The following DPH3 variants were observed in gnomAD, a reference collection of about 807,000 sequenced individuals.
The protein encoded by DPH3 is diphthamide biosynthesis protein 3.
Under a neutral mutation model 10.2 loss-of-function variants are expected in DPH3, and 8 were observed. The observed-to-expected ratio is 0.79, with a 90% CI of 0.46 to 1.42. DPH3 has a LOEUF of 1.42. DPH3 is among the 40% of genes most tolerant of loss of function. DPH3 has a pLI of 0.00. For synonymous variants in DPH3, 35 were observed against 35.6 expected (o/e 0.98, Z 0.06); for missense variants, 96 against 98.9 (o/e 0.97, Z 0.12).
rs1186538316 is a variant in DPH3 at position 16,259,534 on chromosome 3, AGTT to A, written c.*1227_*1229del. The A allele has an allele frequency of 1.3e-5, 2 of 152,212 alleles. No individual in the cohort carries two copies. Among genetic ancestry groups the A allele is most frequent in the Non-Finnish European group, 2.9e-5 (2 of 68,036 alleles). 9.4% of individuals were successfully genotyped at this position (152,212 alleles called of 1,614,324 possible). A position where few individuals can be genotyped will look rare whatever the true frequency, so the allele number is the denominator to read the frequency against. ...AATATTTTTTATTTATACACAGTAA[AGTT>A]GTGTATATAAAGGGAATTTTCAAAT... On this transcript the variant is annotated 3_prime_UTR_variant, in exon 3 of 3. Coordinates refer to ENST00000488423, the MANE Select transcript of DPH3 (RefSeq NM_206831.3).
Position 16,260,056 on chromosome 3 carries a change from G to C in DPH3, c.*708C>G, listed in dbSNP as rs1037446302. 1 of 152,156 alleles carries C rather than the reference G, an allele frequency of 6.6e-6. No individual in the cohort carries two copies. The highest frequency in any genetic ancestry group is 2.4e-5 in the African/African-American group (1 of 41,426). 9.4% of individuals were successfully genotyped at this position (152,156 alleles called of 1,614,324 possible). On this transcript the variant is annotated 3_prime_UTR_variant, in exon 3 of 3. Transcript: ENST00000488423. ...CTTTTCATCTTGTCCTGACTTCCAA[G>C]GAATATGCAGAATATAAGAAAAGTC...
rs767196710 is a variant in DPH3, at chr3:16,264,824, T to A, written c.53A>T (p.Asp18Val). The A allele has an allele frequency of 5.2e-5, 84 of 1,614,062 alleles. No homozygotes were observed. The Admixed American group carries it at 1.4e-3, about 27-fold the overall frequency. Residue 18 changes from aspartate to valine, a missense_variant, in exon 1 of 3, where the codon GAC becomes GTC. By Grantham distance (152) the Asp-to-Val change is radical. Coordinates refer to ENST00000488423, the MANE Select transcript of DPH3 (RefSeq NM_206831.3). ...VEIEDFQYDE[D>V]SETYFYPCPC... ...GCAGGGATAGAAATACGTCTCCGAG[T>A]CCTCGTCATATTGGAAGTCCTCGAT...
rs559292134 is a variant in DPH3, at chr3:16,260,661, G to T, written c.*103C>A. 5.9e-5 allele frequency: 60 copies of T among 1,021,768 alleles called. No homozygotes were observed. The Admixed American group carries it at 7.2e-4, about 12-fold the overall frequency. The allele number at this position is 1,021,768 out of a possible 1,614,324, so 63.3% of individuals were successfully genotyped here. On this transcript the variant is annotated 3_prime_UTR_variant, in exon 3 of 3. Coordinates refer to ENST00000488423, the MANE Select transcript of DPH3 (RefSeq NM_206831.3). Reference sequence around the variant, plus strand: ...AAAGAATCCACACTCTTACAGAACAGCAAATCATAAATGGTTGTCTCTGTG... The same window carrying T: ...AAAGAATCCACACTCTTACAGAACATCAAATCATAAATGGTTGTCTCTGTG...
At chr3:16,264,479 C>G in intron 1 of DPH3, 1 of 552,976 alleles carries the variant, frequency 1.8e-6, no homozygotes, top group Non-Finnish European at 3.2e-6. Context: ...AAAACGAGTC[C>G]CCTCCTCGAC....
rs957099848 is a variant in DPH3, at chr3:16,264,940, C to T, written c.-64G>A. On this transcript the variant is annotated 5_prime_UTR_variant, in exon 1 of 3. Transcript: ENST00000488423. ...TCCGAGGCCAGCTCCGAGGGTTTAA[C>T]TTCGCCGGAACCGGCCTGGGCTCGG... 10 of 1,577,040 alleles carry T rather than the reference C, an allele frequency of 6.3e-6. No individual in the cohort carries two copies. The highest frequency in any genetic ancestry group is 2.2e-5 in the East Asian group (1 of 44,526).
chr3:16,264,668 TG>T, intron 1 of DPH3, 100 bp downstream of exon 1: 1 of 1,133,984 alleles, frequency 8.8e-7, no homozygotes, highest in Non-Finnish European at 1.3e-6. Flanking sequence ...AAAGAGGGCG[TG>T]GGTGACACAG....
chr3:16,261,415 G>A lies in DPH3; in HGVS notation c.184-586C>T, dbSNP rs2064292164. ...AAGGATCAGCCCCTACTCTGTCCCT[G>A]CTACTCTGTTGCCCAATATGTGGAA... On this transcript the variant is annotated intron_variant, in intron 2 of 2. Coordinates refer to ENST00000488423, the MANE Select transcript of DPH3 (RefSeq NM_206831.3). The surrounding 1 kb of genome is among the most constrained non-coding windows in gnomAD (Gnocchi z 7.1). Among the ~76,000 whole-genome samples, 1 of 152,194 alleles carries A rather than the reference G, an allele frequency of 6.6e-6. No homozygotes were observed. Among genetic ancestry groups the A allele is most frequent in the African/African-American group, 2.4e-5 (1 of 41,458 alleles).
Position 16,264,838 on chromosome 3 carries a change from G to A in DPH3, c.39C>T (p.Phe13=). ...ACGTCTCCGAGTCCTCGTCATATTG[G>A]AAGTCCTCGATTTCCACCTCGTCAT... ...VFHDEVEIED[F]QYDEDSETYF... Residue 13 remains phenylalanine, a synonymous_variant, in exon 1 of 3, where the codon TTC becomes TTT. Transcript: ENST00000488423. The A allele has an allele frequency of 6.2e-7, 1 of 1,614,222 alleles. No homozygotes were observed. Among genetic ancestry groups the A allele is most frequent in the South Asian group, 1.1e-5 (1 of 91,082 alleles).
rs1252195355 is a variant in DPH3 at position 16,258,968 on chromosome 3, AC to A, written c.*1795del. ...GCTTCTTTTTTCCTGGGATGTGTGA[AC>A]CTGGCAACTTTTCTTCCTGTTCTTC... On this transcript the variant is annotated 3_prime_UTR_variant, in exon 3 of 3. Coordinates refer to ENST00000488423, the MANE Select transcript of DPH3 (RefSeq NM_206831.3). 17 of 152,316 alleles carry A rather than the reference AC, an allele frequency of 1.1e-4. No individual in the cohort carries two copies. The highest frequency in any genetic ancestry group is 4.1e-4 in the African/African-American group (17 of 41,570). 9.4% of individuals were successfully genotyped at this position (152,316 alleles called of 1,614,324 possible). A position where few individuals can be genotyped will look rare whatever the true frequency, so the allele number is the denominator to read the frequency against.
Position 16,260,225 on chromosome 3 carries a change from C to G in DPH3, c.*539G>C, listed in dbSNP as rs1229720114. The G allele has an allele frequency of 6.5e-6, 1 of 152,916 alleles. No individual in the cohort carries two copies. Among genetic ancestry groups the G allele is most frequent in the Non-Finnish European group, 1.5e-5 (1 of 68,546 alleles). 9.5% of individuals were successfully genotyped at this position (152,916 alleles called of 1,614,324 possible). On this transcript the variant is annotated 3_prime_UTR_variant, in exon 3 of 3. Transcript: ENST00000488423. ...AGCATTACAGAAATGACACGCTGAA[C>G]AGAACATGTCCATTCTAATGGGAAA...
At position 16,261,335 on chromosome 3, in the gene DPH3, C is replaced by G. The variant is rs1239351757; in HGVS notation, c.184-506G>C. 6.6e-6 allele frequency among the ~76,000 whole-genome samples: 1 copy of G among 152,162 alleles called. No individual in the cohort carries two copies. The highest frequency in any genetic ancestry group is 1.5e-5 in the Non-Finnish European group (1 of 68,026). ...TTTTATCCTGGCTTATGTCAGCTAC[C>G]ACCAAAAATCTCTGCTTCCAAGGTT... On this transcript the variant is annotated intron_variant, in intron 2 of 2. Coordinates refer to ENST00000488423, the MANE Select transcript of DPH3 (RefSeq NM_206831.3). The surrounding 1 kb of genome is among the most constrained non-coding windows in gnomAD (Gnocchi z 7.1).
rs561507704 is a variant in DPH3 at position 16,262,421 on chromosome 3, A to T, written c.184-1592T>A. Among the ~76,000 whole-genome samples the T allele has an allele frequency of 6.6e-6, 1 of 152,074 alleles. No individual in the cohort carries two copies. The highest frequency in any genetic ancestry group is 1.5e-5 in the Non-Finnish European group (1 of 67,958). ...ACGTGACAAGGATCACCACTTCCTC[A>T]ATCCTTTCTCATCTGGTTTCCAGGA... On this transcript the variant is annotated intron_variant, in intron 2 of 2. Coordinates refer to ENST00000488423, the MANE Select transcript of DPH3 (RefSeq NM_206831.3). The surrounding 1 kb of genome is among the most constrained non-coding windows in gnomAD (Gnocchi z 4.7).
chr3:16,257,372 G>T lies in DPH3; in HGVS notation c.*3392C>A, dbSNP rs1027138918. ...ACATCACCTGGTTTGTTTCCTTGGG[G>T]GCTCTAACTCATCTGTAATCTTGCT... On this transcript the variant is annotated 3_prime_UTR_variant, in exon 3 of 3. Transcript: ENST00000488423. Among the ~76,000 whole-genome samples, 1 of 152,136 alleles carries T rather than the reference G, an allele frequency of 6.6e-6. No individual in the cohort carries two copies. Among genetic ancestry groups the T allele is most frequent in the African/African-American group, 2.4e-5 (1 of 41,416 alleles).
At chr3:16,260,851 C>T (rs372030005) in intron 2 of DPH3, 22 bp from the exon 3 acceptor site, 7 of 1,607,102 alleles carry the variant, frequency 4.4e-6, no homozygotes, top group Non-Finnish European at 6.0e-6. Context: ...TGAGAAATGA[C>T]ATTAACCAAT....
Position 16,259,794 on chromosome 3 carries a change from G to A in DPH3, c.*970C>T, listed in dbSNP as rs912936281. ...TTCTCCGCTGTAGATGCTTTACCTT[G>A]TAGTAGTGACACAACACTGTGATAT... On this transcript the variant is annotated 3_prime_UTR_variant, in exon 3 of 3. Transcript: ENST00000488423. 1 of 152,132 alleles carries A rather than the reference G, an allele frequency of 6.6e-6. No homozygotes were observed. The highest frequency in any genetic ancestry group is 1.5e-5 in the Non-Finnish European group (1 of 68,012). The allele number at this position is 152,132 out of a possible 1,614,324, so 9.4% of individuals were successfully genotyped here.
At position 16,260,551 on chromosome 3, in the gene DPH3, G is replaced by C. The variant is rs923186260; in HGVS notation, c.*213C>G. On this transcript the variant is annotated 3_prime_UTR_variant, in exon 3 of 3. Transcript: ENST00000488423. Reference sequence around the variant, plus strand: ...TAAATTTAGATGCATAATTAAGAATGCTTCCAATTTAAGGTTCTAAGCACA... The same window carrying C: ...TAAATTTAGATGCATAATTAAGAATCCTTCCAATTTAAGGTTCTAAGCACA... 1 of 472,872 alleles carries C rather than the reference G, an allele frequency of 2.1e-6. No homozygotes were observed. Among genetic ancestry groups the C allele is most frequent in the African/African-American group, 1.9e-5 (1 of 51,614 alleles). The allele number at this position is 472,872 out of a possible 1,614,324, so 29.3% of individuals were successfully genotyped here. A position where few individuals can be genotyped will look rare whatever the true frequency, so the allele number is the denominator to read the frequency against.
At position 16,259,960 on chromosome 3, in the gene DPH3, T is replaced by G. The variant is rs528549352; in HGVS notation, c.*804A>C. The G allele has an allele frequency of 6.6e-6, 1 of 152,356 alleles. No individual in the cohort carries two copies. Among genetic ancestry groups the G allele is most frequent in the Admixed American group, 6.5e-5 (1 of 15,304 alleles). 9.4% of individuals were successfully genotyped at this position (152,356 alleles called of 1,614,324 possible). A position where few individuals can be genotyped will look rare whatever the true frequency, so the allele number is the denominator to read the frequency against. On this transcript the variant is annotated 3_prime_UTR_variant, in exon 3 of 3. Coordinates refer to ENST00000488423, the MANE Select transcript of DPH3 (RefSeq NM_206831.3). ...CTGACCTGGCAAAGTCATTCAAACATTCCACTTACTACACTGGTATGCTTT... is the reference window on the plus strand; with the variant it reads ...CTGACCTGGCAAAGTCATTCAAACAGTCCACTTACTACACTGGTATGCTTT...
chr3:16,261,000 T>G (rs1412583339), intron 2 of DPH3, among the ~76,000 whole-genome samples, 171 bp from the exon 3 acceptor site: 1 of 152,254 alleles, frequency 6.6e-6, no homozygotes, highest in Non-Finnish European at 1.5e-5. Context: ...AAGTAGAATC[T>G]TAAACATGTA....
At position 16,261,708 on chromosome 3, in the gene DPH3, C is replaced by T. The variant is rs77178096; in HGVS notation, c.184-879G>A. ...AACAGGGCTGAGGTTGAGATGAAGT[C>T]ATATTCTTAAGGACAGTTTCCCCTA... On this transcript the variant is annotated intron_variant, in intron 2 of 2. Coordinates refer to ENST00000488423, the MANE Select transcript of DPH3 (RefSeq NM_206831.3). This position sits in a 1 kb window ranked among gnomAD's most constrained non-coding sequence, Gnocchi z 7.1. Among the ~76,000 whole-genome samples, 776 of 152,206 alleles carry T rather than the reference C, an allele frequency of 5.1e-3. 6 individuals carry two copies. The highest frequency in any genetic ancestry group is 0.017 in the African/African-American group (724 of 41,526).
Sources: allele counts gnomAD v4.1 joint callset (sites outside exome capture counted in the v4.1 genomes callset), GRCh38; gene constraint gnomAD v4.1.1; non-coding constraint Gnocchi (gnomAD v3.1); transcripts MANE v1.5; gene names NCBI Gene and HGNC (gene_info 2026-07-23, HGNC 2026-07-21).